The following SCN11A variants were observed in gnomAD, a reference collection of about 807,000 sequenced individuals.
SCN11A encodes sodium channel protein type 11 subunit alpha.
SCN11A carries 122 observed loss-of-function variants against 162.2 expected under a neutral mutation model. The ratio of observed to expected loss-of-function variants is 0.75; its 90% confidence interval spans 0.65 to 0.87. The LOEUF is 0.87. Among genes scored for constraint, SCN11A ranks in the 40% least tolerant of loss-of-function variants. The probability of loss-of-function intolerance (pLI) is 0.00; values close to 1 mark genes in which losing one functional copy is unlikely to be tolerated. For synonymous variants in SCN11A, 758 were observed against 751.5 expected (o/e 1.01, Z -0.14); for missense variants, 2,015 against 2,181.6 (o/e 0.92, Z 1.52).
At chr3:39,008,469 A>C (rs2031037133) in intron 2 of SCN11A, among the ~76,000 whole-genome samples, 1 of 152,202 alleles carries the variant, frequency 6.6e-6, no homozygotes, top group Non-Finnish European at 1.5e-5. Context: ...ATTTTGGTGA[A>C]AGGAGACACC....
chr3:38,886,033 G>T, intron 20 of SCN11A, 92 bp downstream of exon 20: 1 of 804,130 alleles, frequency 1.2e-6, no homozygotes, highest in Non-Finnish European at 2.0e-6. Context: ...AATTTTCTCT[G>T]CATTAATTGT....
intron 1 of SCN11A, among the ~76,000 whole-genome samples, chr3:39,033,353 T>C (rs1339222218): frequency 6.7e-6 from 1 of 149,208 alleles, no homozygotes; most frequent in African/African-American, 2.5e-5. Flanking sequence ...CATGTGAGGT[T>C]TCTTTCCAGA....
chr3:38,847,556 A>G lies in SCN11A; in HGVS notation c.4514T>C (p.Phe1505Ser), dbSNP rs1390905004. 1 of 1,614,206 alleles carries G rather than the reference A, an allele frequency of 6.2e-7. No homozygotes were observed. Among genetic ancestry groups the G allele is most frequent in the Non-Finnish European group, 8.5e-7 (1 of 1,180,032 alleles). ...AATGGCATAGATAAACATAATCAGA[A>G]AGAGTAGAAGACCAATGTTGAACAG... ...PSLFNIGLLL[F>S]LIMFIYAILG... Residue 1505 changes from phenylalanine (F) to serine (S), a missense_variant, in exon 30 of 30, where the codon TTT (phenylalanine) becomes TCT (serine). Transcript: ENST00000302328.
chr3:39,045,857 CTGTT>C (rs2032169208), intron 1 of SCN11A, among the ~76,000 whole-genome samples: 1 of 152,212 alleles, frequency 6.6e-6, no homozygotes, highest in Admixed American at 6.5e-5. Flanking sequence ...CAAATTGTCA[CTGTT>C]TGCAGATGAT....
Position 38,950,211 on chromosome 3 carries a change from C to T in SCN11A, c.152G>A (p.Arg51Gln), listed in dbSNP as rs1191368962. ...KDQTGEVPQP[R>Q]PQLDLKASRK... ...GGAGGCCTTTAGGTCAAGCTGAGGC[C>T]GAGGCTGGGGTACTTCTCCTGTCTG... The change falls in exon 5 of 30, where the codon CGG becomes CAG. Residue 51 changes from arginine (R) to glutamine (Q), a missense_variant. Transcript: ENST00000302328. The T allele has an allele frequency of 1.2e-6, 2 of 1,613,884 alleles. No homozygotes were observed. The highest frequency in any genetic ancestry group is 1.7e-6 in the Non-Finnish European group (2 of 1,179,988).
rs201240136 is a variant in SCN11A at position 38,896,840 on chromosome 3, C to T, written c.2403+5G>A. ...TTTTTTTTGAAAAAAATCTAAGACA[C>T]ATACCACAAGTTTTCCTATCACCGT... On this transcript the variant is annotated splice_donor_5th_base_variant and intron_variant, in intron 18 of 29. Transcript: ENST00000302328. 5.5e-6 allele frequency: 8 copies of T among 1,443,772 alleles called. No homozygotes were observed. In the African/African-American group the frequency reaches 7.5e-5, roughly 14 times the overall value. 89.4% of individuals were successfully genotyped at this position (1,443,772 alleles called of 1,614,324 possible). A position where few individuals can be genotyped will look rare whatever the true frequency, so the allele number is the denominator to read the frequency against.
intron 2 of SCN11A, among the ~76,000 whole-genome samples, chr3:39,020,915 T>A (rs2031434080): frequency 6.6e-6 from 1 of 151,368 alleles, no homozygotes; most frequent in Admixed American, 6.6e-5. Context: ...AAAAAACAAA[T>A]CCAGATTTAG....
rs771563366 is a variant in SCN11A at position 38,897,127 on chromosome 3, G to T, written c.2121C>A (p.Val707=). 24 of 1,614,056 alleles carry T rather than the reference G, an allele frequency of 1.5e-5. No homozygotes were observed. The highest frequency in any genetic ancestry group is 1.9e-5 in the Non-Finnish European group (23 of 1,180,002). Residue 707 remains valine, a synonymous_variant, in exon 18 of 30, where the codon GTC becomes GTA. Transcript: ENST00000302328. ...AGAAAATAAAGATCACAATGACCAG[G>T]ACCACAGTCAGGCTTCCAAGGGCTC... is the stretch of plus-strand genomic sequence containing the variant. ...SVGALGSLTV[V]LVIVIFIFSV... is the part of the protein sequence containing the mutation.
At chr3:38,860,842 C>G (rs1420857268) in intron 28 of SCN11A, among the ~76,000 whole-genome samples, 1 of 152,100 alleles carries the variant, frequency 6.6e-6, no homozygotes, top group East Asian at 1.9e-4. Flanking sequence ...GATAAGGATG[C>G]CCACTTTCAC....
chr3:39,022,118 A>G (rs1211522297), intron 2 of SCN11A, among the ~76,000 whole-genome samples: 2 of 152,204 alleles, frequency 1.3e-5, no homozygotes, highest in Non-Finnish European at 2.9e-5. Context: ...GAGAAGGCAC[A>G]GTAATGGTTT....
At position 38,872,264 on chromosome 3, in the gene SCN11A, C is replaced by T. The variant is rs1189579972; in HGVS notation, c.3424G>A (p.Glu1142Lys). ...CGTAGAGTCCGGAAGGACTTCAATT[C>T]CATTAAGTTAATGAGGGTGGTCACA... ...VSVTTLINLM[E>K]LKSFRTLRAL... The change falls in exon 24 of 30, where the codon GAA becomes AAA. Residue 1142 changes from glutamate (E) to lysine (K), a missense_variant. By Grantham distance (56) the Glu-to-Lys change is moderately conservative. Coordinates refer to ENST00000302328, the MANE Select transcript of SCN11A (RefSeq NM_001349253.2). The T allele has an allele frequency of 2.5e-6, 4 of 1,608,022 alleles. No individual in the cohort carries two copies. Among genetic ancestry groups the T allele is most frequent in the Non-Finnish European group, 3.4e-6 (4 of 1,174,698 alleles).
intron 2 of SCN11A, among the ~76,000 whole-genome samples, chr3:38,962,551 A>G (rs2066748233): frequency 6.6e-6 from 1 of 152,060 alleles, no homozygotes; most frequent in South Asian, 2.1e-4. Flanking sequence ...TTTCAATTCC[A>G]TCAAAAAGTG....
chr3:38,865,611 TA>T (rs11373745), intron 27 of SCN11A, among the ~76,000 whole-genome samples: 7 of 151,580 alleles, frequency 4.6e-5, no homozygotes, highest in Admixed American at 2.6e-4. Context: ...TAAGTACAAT[TA>T]AAAAAAAGCC....
chr3:38,956,071 T>G (rs779677006), intron 3 of SCN11A, among the ~76,000 whole-genome samples: 36 of 152,074 alleles, frequency 2.4e-4, no homozygotes, highest in South Asian at 4.2e-4. Context: ...ATGGTGAAAC[T>G]TCATCTTTAC....
At chr3:38,999,770 T>C (rs1018210536) in intron 2 of SCN11A, among the ~76,000 whole-genome samples, 1 of 152,210 alleles carries the variant, frequency 6.6e-6, no homozygotes, top group African/African-American at 2.4e-5. Context: ...ACTAGCTTTA[T>C]AAGGTTCTGT....
At chr3:38,937,065 C>T (rs2066345763) in intron 7 of SCN11A, among the ~76,000 whole-genome samples, 1 of 152,082 alleles carries the variant, frequency 6.6e-6, no homozygotes, top group Admixed American at 6.6e-5. Flanking sequence ...AGAAACAACG[C>T]CGCATATCTA....
chr3:38,858,758 A>C (rs1278213707), intron 28 of SCN11A, among the ~76,000 whole-genome samples: 1 of 152,212 alleles, frequency 6.6e-6, no homozygotes, highest in Non-Finnish European at 1.5e-5. Context: ...ATGGAGATAG[A>C]CCATATGATA....
At chr3:39,012,868 T>C (rs115677025) in intron 2 of SCN11A, among the ~76,000 whole-genome samples, 1 of 152,368 alleles carries the variant, frequency 6.6e-6, no homozygotes, top group African/African-American at 2.4e-5. Flanking sequence ...CTTAAGATGT[T>C]TTCTCTTCCT....
At chr3:38,938,548 ATAT>A (rs2066388662) in intron 7 of SCN11A, among the ~76,000 whole-genome samples, 1 of 16,944 alleles carries the variant, frequency 5.9e-5, no homozygotes, top group East Asian at 1.8e-3. Flanking sequence ...ATATATATAT[ATAT>A]TTTTTTTTTT....
Sources: allele counts gnomAD v4.1 joint callset (sites outside exome capture counted in the v4.1 genomes callset), GRCh38; gene constraint gnomAD v4.1.1; transcripts MANE v1.5; gene names NCBI Gene and HGNC (gene_info 2026-07-23, HGNC 2026-07-21).